Variants in FAM193A observed in about 807,000 individuals in gnomAD.
FAM193A encodes the protein family with sequence similarity 193 member A.
A neutral mutation model predicts 126.5 loss-of-function variants in FAM193A; 22 were observed. The ratio of observed to expected loss-of-function variants is 0.17; its 90% CI spans 0.12 to 0.25. The LOEUF (loss-of-function observed/expected upper bound fraction) is 0.25, where lower values mean the gene tolerates loss of function less well. Ranked by LOEUF, FAM193A falls within the 10% of genes least tolerant of loss-of-function variation. The pLI is 1.00. For synonymous variants in FAM193A, 761 were observed against 646.8 expected (o/e 1.18, Z -2.68); for missense variants, 1,675 against 1,672.8 (o/e 1.00, Z -0.02).
chr4:2,623,711 C>G (rs1266742187), intron 2 of FAM193A, among the ~76,000 whole-genome samples: 2 of 152,200 alleles, frequency 1.3e-5, no homozygotes. Flanking sequence ...GGCCACCACC[C>G]GTCTCTCTGG....
chr4:2,552,550 T>C (rs1372618460), intron 1 of FAM193A, among the ~76,000 whole-genome samples: 1 of 152,134 alleles, frequency 6.6e-6, no homozygotes, highest in East Asian at 1.9e-4. Context: ...TTCTTTTCTT[T>C]TTTTTTGAGA....
At chr4:2,552,775 G>C (rs935059029) in intron 1 of FAM193A, among the ~76,000 whole-genome samples, 1 of 149,454 alleles carries the variant, frequency 6.7e-6, no homozygotes, top group Non-Finnish European at 1.5e-5. Flanking sequence ...ATGACCTCGG[G>C]ATCCGCCTGC....
intron 1 of FAM193A, among the ~76,000 whole-genome samples, chr4:2,575,987 G>A (rs1739563242): frequency 6.6e-6 from 1 of 152,146 alleles, no homozygotes; most frequent in South Asian, 2.1e-4. Flanking sequence ...CAACAATGAG[G>A]GATGCAAGTA....
At chr4:2,649,452 T>C (rs1745457241) in intron 7 of FAM193A, among the ~76,000 whole-genome samples, 1 of 151,114 alleles carries the variant, frequency 6.6e-6, no homozygotes, top group African/African-American at 2.4e-5. Flanking sequence ...GCAGGTGGAT[T>C]ACTTGAGCCC....
intron 1 of FAM193A, among the ~76,000 whole-genome samples, chr4:2,564,656 G>A (rs989438926): frequency 2.0e-5 from 3 of 152,088 alleles, no homozygotes; most frequent in African/African-American, 7.2e-5. Context: ...AAACAATATG[G>A]CAACAAAAGA....
intron 1 of FAM193A, among the ~76,000 whole-genome samples, chr4:2,577,483 A>G (rs911856355): frequency 1.3e-4 from 18 of 140,556 alleles, no homozygotes; most frequent in African/African-American, 4.7e-4. Flanking sequence ...CACTGGCACG[A>G]TCTCAGCTCA....
rs1717538191 is a variant in FAM193A, at chr4:2,700,104, A to G, written c.3932A>G (p.Lys1311Arg). 6.2e-7 allele frequency: 1 copy of G among 1,613,672 alleles called. No individual in the cohort carries two copies. The change falls in exon 19 of 21, where the codon AAG (lysine) becomes AGG (arginine). Residue 1311 changes from lysine to arginine, a missense_variant. This residue lies in a region of FAM193A where 415 missense variants were observed against 396.7 expected (regional missense o/e 1.05). Transcript: ENST00000637812. ...AGAGACTCCAAATTTCTCCTCCCCA[A>G]GGAGGTGAATGGGAAGCAGCATGAG... is the stretch of plus-strand genomic sequence containing the variant. The part of the protein sequence containing the change: ...DTRDSKFLLP[K>R]EVNGKQHEPL...
At chr4:2,574,435 A>T (rs749243116) in intron 1 of FAM193A, among the ~76,000 whole-genome samples, 1 of 152,136 alleles carries the variant, frequency 6.6e-6, no homozygotes, top group Non-Finnish European at 1.5e-5. Flanking sequence ...TTGGCTTGGG[A>T]CATGTTGAGT....
chr4:2,545,610 T>C (rs1737497774), intron 1 of FAM193A, among the ~76,000 whole-genome samples: 1 of 152,206 alleles, frequency 6.6e-6, no homozygotes. Context: ...TAGTGGGTAC[T>C]GCCTGATAGT....
intron 7 of FAM193A, among the ~76,000 whole-genome samples, chr4:2,649,263 A>G (rs1471000222): frequency 5.3e-5 from 8 of 151,090 alleles, no homozygotes; most frequent in Non-Finnish European, 4.4e-5. Context: ...GGTTCCGGCC[A>G]CTCCAGAGAG....
chr4:2,566,087 G>A (rs923548394), intron 1 of FAM193A, among the ~76,000 whole-genome samples: 3 of 149,434 alleles, frequency 2.0e-5, no homozygotes, highest in South Asian at 2.1e-4. Flanking sequence ...TCGCTCTGTC[G>A]CCCAGACTGG....
intron 13 of FAM193A, 34 bp downstream of exon 13, chr4:2,672,406 T>C: frequency 2.5e-6 from 4 of 1,610,572 alleles, no homozygotes; most frequent in Non-Finnish European, 3.4e-6. Flanking sequence ...GAAAGCTCAC[T>C]CTTCACTGAG....
intron 15 of FAM193A, among the ~76,000 whole-genome samples, chr4:2,692,095 G>A (rs1716453814): frequency 6.6e-6 from 1 of 152,146 alleles, no homozygotes; most frequent in South Asian, 2.1e-4. Flanking sequence ...GGGCGCTTGT[G>A]TTAATCAATT....
intron 13 of FAM193A, among the ~76,000 whole-genome samples, chr4:2,680,724 C>T (rs1413128938): frequency 6.6e-6 from 1 of 152,118 alleles, no homozygotes; most frequent in Non-Finnish European, 1.5e-5. Context: ...TCACTGCAAC[C>T]TCTGCCTCCC....
chr4:2,651,553 G>T (rs1055793054), intron 7 of FAM193A, among the ~76,000 whole-genome samples: 1 of 152,114 alleles, frequency 6.6e-6, no homozygotes, highest in African/African-American at 2.4e-5. Context: ...GTGAGAACTC[G>T]CTATCATGAG....
chr4:2,675,411 AC>A (rs1348811214), intron 13 of FAM193A, among the ~76,000 whole-genome samples: 1 of 152,150 alleles, frequency 6.6e-6, no homozygotes, highest in African/African-American at 2.4e-5. Context: ...CTTTTGCCCT[AC>A]AAAGTTTGAT....
At chr4:2,659,472 A>T in intron 8 of FAM193A, 86 bp from the exon 9 acceptor site, 1 of 911,186 alleles carries the variant, frequency 1.1e-6, no homozygotes, top group Non-Finnish European at 1.8e-6. Context: ...TGAACATGAT[A>T]CATGTCAGCA....
At chr4:2,640,741 G>T (rs905467156) in intron 6 of FAM193A, among the ~76,000 whole-genome samples, 1 of 152,104 alleles carries the variant, frequency 6.6e-6, no homozygotes, top group African/African-American at 2.4e-5. Flanking sequence ...TAAGCAGGCG[G>T]ATCACCTGAG....
chr4:2,677,450 G>C (rs1366550163), intron 13 of FAM193A, among the ~76,000 whole-genome samples: 1 of 151,766 alleles, frequency 6.6e-6, no homozygotes, highest in African/African-American at 2.4e-5. Flanking sequence ...TGTAGAGATT[G>C]TTTGGGTTGG....
Sources: gnomAD v4.1 joint callset for allele counts (sites outside exome capture counted in the v4.1 genomes callset) on GRCh38, gnomAD v4.1.1 for gene constraint, gnomAD v4.1.1 regional missense constraint, MANE v1.5 for transcripts, NCBI Gene and HGNC (gene_info 2026-07-23, HGNC 2026-07-21) for gene names.